CNTN4: variants seen among roughly 807,000 people sequenced by gnomAD.
CNTN4 encodes contactin-4.
Under a neutral mutation model 122.5 loss-of-function variants are expected in CNTN4, and 77 were observed. That is an observed-to-expected ratio of 0.63 (90% CI 0.52 to 0.76). The LOEUF (loss-of-function observed/expected upper bound fraction) is 0.76. Ranked by LOEUF, CNTN4 falls within the 30% of genes least tolerant of loss-of-function variation. CNTN4 has a pLI of 0.00. For synonymous variants in CNTN4, 512 were observed against 447.0 expected, an observed-to-expected ratio of 1.15 and a Z score of -1.83; for missense variants, 1,256 against 1,259.1, an observed-to-expected ratio of 1.00 and a Z score of 0.04.
chr3:2,646,771 GATCACCTT>G (rs2083142124), intron 4 of CNTN4, among the ~76,000 whole-genome samples: 1 of 152,128 alleles, frequency 6.6e-6, no homozygotes, highest in African/African-American at 2.4e-5. Context: ...GTTTTCAGAT[GATCACCTT>G]CTCCCTGTAT....
chr3:2,765,665 G>T (rs552507859), intron 6 of CNTN4, among the ~76,000 whole-genome samples: 1 of 152,230 alleles, frequency 6.6e-6, no homozygotes, highest in South Asian at 2.1e-4. Flanking sequence ...GTGAATAGCT[G>T]CACATATAAG....
chr3:2,159,040 C>G (rs1261504763), intron 2 of CNTN4, among the ~76,000 whole-genome samples: 1 of 151,898 alleles, frequency 6.6e-6, no homozygotes, highest in South Asian at 2.1e-4. Context: ...CGAGAGGCAG[C>G]GAGTGGGAGA....
intron 4 of CNTN4, among the ~76,000 whole-genome samples, chr3:2,585,945 T>C (rs1358623169): frequency 6.6e-6 from 1 of 151,566 alleles, no homozygotes; most frequent in African/African-American, 2.4e-5. Context: ...TAGAACCATG[T>C]GACTTTTATC....
chr3:2,317,191 T>C (rs748017509), intron 2 of CNTN4, among the ~76,000 whole-genome samples: 1 of 152,234 alleles, frequency 6.6e-6, no homozygotes, highest in African/African-American at 2.4e-5. Context: ...GGATTAGCGT[T>C]GCCCGCTGAA....
At chr3:2,118,754 A>G (rs955518217) in intron 2 of CNTN4, among the ~76,000 whole-genome samples, 1 of 152,208 alleles carries the variant, frequency 6.6e-6, no homozygotes, top group Non-Finnish European at 1.5e-5. Context: ...ACTACTGGCA[A>G]TAAAACTCAG....
intron 13 of CNTN4, among the ~76,000 whole-genome samples, chr3:2,987,695 CA>C (rs1315382313): frequency 6.6e-5 from 10 of 152,118 alleles, no homozygotes; most frequent in African/African-American, 2.4e-4. Flanking sequence ...CCAGATTTTG[CA>C]TCTGTCAACA....
intron 14 of CNTN4, among the ~76,000 whole-genome samples, chr3:3,024,472 T>C (rs1056372915): frequency 6.6e-6 from 1 of 151,574 alleles, no homozygotes; most frequent in African/African-American, 2.4e-5. Context: ...TATTATGTAG[T>C]CCTCAAAAGC....
At chr3:2,394,609 A>T (rs1392351527) in intron 3 of CNTN4, among the ~76,000 whole-genome samples, 2 of 152,168 alleles carry the variant, frequency 1.3e-5, no homozygotes, top group East Asian at 3.9e-4. Flanking sequence ...TAGAACTCTC[A>T]TGTGTTATAA....
At chr3:2,328,627 T>A (rs1415710499) in intron 2 of CNTN4, among the ~76,000 whole-genome samples, 6 of 151,768 alleles carry the variant, frequency 4.0e-5, no homozygotes, top group Admixed American at 6.6e-5. Context: ...GGGTTCCACA[T>A]CTGCGGATTC....
intron 4 of CNTN4, among the ~76,000 whole-genome samples, chr3:2,583,894 C>G (rs962113532): frequency 6.6e-6 from 1 of 152,056 alleles, no homozygotes; most frequent in African/African-American, 2.4e-5. Context: ...GTGAGAAATC[C>G]AGGCAAAATA....
chr3:2,249,600 G>A (rs1402546657), intron 2 of CNTN4, among the ~76,000 whole-genome samples: 2 of 151,922 alleles, frequency 1.3e-5, no homozygotes, highest in African/African-American at 4.8e-5. Flanking sequence ...CACAAAGAGA[G>A]AAGAGTAGTT....
At chr3:2,291,397 G>C (rs2042129024) in intron 2 of CNTN4, among the ~76,000 whole-genome samples, 1 of 152,100 alleles carries the variant, frequency 6.6e-6, no homozygotes, top group Non-Finnish European at 1.5e-5. Flanking sequence ...AATAAATTTT[G>C]ACATGCAATT....
chr3:2,197,665 A>C (rs900693637), intron 2 of CNTN4, among the ~76,000 whole-genome samples: 3 of 152,176 alleles, frequency 2.0e-5, no homozygotes, highest in Non-Finnish European at 2.9e-5. Flanking sequence ...CCTAAATAAA[A>C]AATACCAGTC....
chr3:2,770,751 G>A (rs1447775199), intron 6 of CNTN4, among the ~76,000 whole-genome samples: 2 of 152,180 alleles, frequency 1.3e-5, no homozygotes, highest in Admixed American at 6.5e-5. Flanking sequence ...TGACGCAGTG[G>A]GAATAGCAAG....
At chr3:2,205,336 T>G (rs1283231641) in intron 2 of CNTN4, among the ~76,000 whole-genome samples, 2 of 149,358 alleles carry the variant, frequency 1.3e-5, no homozygotes, top group Admixed American at 1.3e-4. Flanking sequence ...TATTTTGTAA[T>G]ATAATTATAA....
At chr3:2,154,151 A>G (rs995808089) in intron 2 of CNTN4, among the ~76,000 whole-genome samples, 3 of 152,054 alleles carry the variant, frequency 2.0e-5, no homozygotes, top group Non-Finnish European at 4.4e-5. Flanking sequence ...TTAGGAGGCC[A>G]AGGCAGGAGG....
At chr3:2,105,043 G>C (rs1574831065) in intron 2 of CNTN4, among the ~76,000 whole-genome samples, 1 of 152,252 alleles carries the variant, frequency 6.6e-6, no homozygotes, top group Middle Eastern at 3.4e-3. Context: ...ATTGCTTCTA[G>C]AACAGAACAG....
intron 6 of CNTN4, among the ~76,000 whole-genome samples, chr3:2,769,752 A>C (rs932968502): frequency 6.6e-6 from 1 of 152,356 alleles, no homozygotes; most frequent in African/African-American, 2.4e-5. Context: ...TACAGATGAT[A>C]GAATGGGTGG....
intron 6 of CNTN4, among the ~76,000 whole-genome samples, chr3:2,753,052 GGCTATTGTCAATAGT>G (rs1234945674): frequency 6.6e-6 from 1 of 151,848 alleles, no homozygotes; most frequent in African/African-American, 2.4e-5. Context: ...TCCATATTTT[GGCTATTGTCAATAGT>G]GCTGCAATAA....
Sources: allele counts gnomAD v4.1 joint callset (sites outside exome capture counted in the v4.1 genomes callset), GRCh38; gene constraint gnomAD v4.1.1; transcripts MANE v1.5; gene names NCBI Gene and HGNC (gene_info 2026-07-23, HGNC 2026-07-21).